CSMD3: variants seen among roughly 807,000 people sequenced by gnomAD.
CSMD3 encodes the protein CUB and sushi domain-containing protein 3.
CSMD3 carries 177 observed loss-of-function variants against 435.2 expected under a neutral mutation model. That is an observed-to-expected ratio of 0.41 (90% confidence interval 0.36 to 0.46). CSMD3 has a LOEUF of 0.46. Ranked by LOEUF, CSMD3 falls within the 20% of genes least tolerant of loss-of-function variation. The pLI, the probability that CSMD3 is intolerant of heterozygous loss-of-function variation, is 0.34. For synonymous variants in CSMD3, 1,656 were observed against 1,520.5 expected, an observed-to-expected ratio of 1.09 and a Z score of -2.07; for missense variants, 4,265 against 4,504.6, an observed-to-expected ratio of 0.95 and a Z score of 1.52.
At chr8:113,417,507 A>T (rs987853887) in intron 1 of CSMD3, among the ~76,000 whole-genome samples, 3 of 151,996 alleles carry the variant, frequency 2.0e-5, no homozygotes, top group Non-Finnish European at 4.4e-5. Context: ...AACCTCAATG[A>T]TATCTTGAAC....
chr8:112,682,829 C>T (rs2075931565), intron 15 of CSMD3, among the ~76,000 whole-genome samples, 193 bp from the exon 16 acceptor site: 1 of 151,954 alleles, frequency 6.6e-6, no homozygotes, highest in Non-Finnish European at 1.5e-5. Context: ...CTGTGATGTG[C>T]AATAAATGTG....
At chr8:112,624,772 G>A (rs1363165735) in intron 22 of CSMD3, among the ~76,000 whole-genome samples, 1 of 151,876 alleles carries the variant, frequency 6.6e-6, no homozygotes, top group African/African-American at 2.4e-5. Context: ...TATAGCTTTT[G>A]GCAGACTACT....
At chr8:112,712,755 C>T (rs949178633) in intron 13 of CSMD3, among the ~76,000 whole-genome samples, 1 of 150,504 alleles carries the variant, frequency 6.6e-6, no homozygotes, top group African/African-American at 2.5e-5. Context: ...TAAGAATTAC[C>T]ACAATCCCTT....
chr8:113,216,743 G>T (rs72687654), intron 3 of CSMD3, among the ~76,000 whole-genome samples: 9,798 of 151,914 alleles, frequency 0.064, 439 homozygotes, highest in Non-Finnish European at 0.094. Context: ...CCCATGCAGA[G>T]TATCTGGCTC....
chr8:112,227,740 G>T (rs1206933011), intron 70 of CSMD3, among the ~76,000 whole-genome samples: 1 of 152,102 alleles, frequency 6.6e-6, no homozygotes, highest in Non-Finnish European at 1.5e-5. Flanking sequence ...AGATGTTGCA[G>T]ATTGACCCCA....
chr8:112,352,352 T>C, intron 39 of CSMD3, 64 bp downstream of exon 39: 2 of 1,606,170 alleles, frequency 1.2e-6, no homozygotes, highest in Non-Finnish European at 1.7e-6. Flanking sequence ...TTATCAATCA[T>C]TGATTTGTAA....
At chr8:112,549,319 G>A (rs535585642) in intron 27 of CSMD3, among the ~76,000 whole-genome samples, 19 of 151,758 alleles carry the variant, frequency 1.3e-4, no homozygotes, top group African/African-American at 1.9e-4. Flanking sequence ...TTTCTAATTC[G>A]GAGCCATTTA....
At chr8:113,366,048 T>G (rs1364908869) in intron 1 of CSMD3, among the ~76,000 whole-genome samples, 2 of 152,034 alleles carry the variant, frequency 1.3e-5, no homozygotes, top group Non-Finnish European at 2.9e-5. Context: ...CCATACCAAG[T>G]ACTCCTAAGA....
chr8:112,947,918 T>G, intron 8 of CSMD3, 41 bp from the exon 9 acceptor site: 1 of 830,358 alleles, frequency 1.2e-6, no homozygotes, highest in South Asian at 1.4e-5. Context: ...ACAAAATATA[T>G]GTGATTAGAA....
At chr8:112,946,656 T>C (rs2083618560) in intron 9 of CSMD3, among the ~76,000 whole-genome samples, 1 of 151,796 alleles carries the variant, frequency 6.6e-6, no homozygotes, top group Admixed American at 6.6e-5. Context: ...GGCTGAAAGA[T>C]TTAGTTGATT....
At chr8:113,155,802 A>G (rs1266690957) in intron 4 of CSMD3, among the ~76,000 whole-genome samples, 4 of 152,106 alleles carry the variant, frequency 2.6e-5, no homozygotes, top group African/African-American at 9.7e-5. Context: ...ATACAGATAT[A>G]TTCAGTATGT....
At chr8:112,616,656 A>G (rs1833685891) in intron 22 of CSMD3, among the ~76,000 whole-genome samples, 1 of 152,110 alleles carries the variant, frequency 6.6e-6, no homozygotes, top group African/African-American at 2.4e-5. Flanking sequence ...TTACACAGAC[A>G]GGAAACACAA....
At chr8:112,366,409 T>C (rs1466315104) in intron 38 of CSMD3, among the ~76,000 whole-genome samples, 2 of 152,158 alleles carry the variant, frequency 1.3e-5, no homozygotes, top group East Asian at 3.9e-4. Flanking sequence ...TGTTTTGTGT[T>C]GTTTTGAAAT....
chr8:112,405,234 T>TGTATATATATATATATATATAC (rs1563904547), intron 35 of CSMD3, among the ~76,000 whole-genome samples: 20 of 93,572 alleles, frequency 2.1e-4, no homozygotes, highest in African/African-American at 9.5e-4. Flanking sequence ...TATATATATA[T>TGTATATATATATATATATATAC]ATATATATAT....
intron 1 of CSMD3, among the ~76,000 whole-genome samples, chr8:113,342,309 G>A (rs544142110): frequency 4.6e-5 from 7 of 152,004 alleles, no homozygotes; most frequent in Non-Finnish European, 7.4e-5. Flanking sequence ...TTCAATACAC[G>A]ATTCTCTAAT....
chr8:113,319,985 A>T (rs1457583873), intron 1 of CSMD3, among the ~76,000 whole-genome samples: 1 of 151,980 alleles, frequency 6.6e-6, no homozygotes, highest in Non-Finnish European at 1.5e-5. Context: ...CATGCCTTAC[A>T]GGTAAAATGA....
At chr8:112,309,449 ATT>A (rs530291637) in intron 50 of CSMD3, among the ~76,000 whole-genome samples, 51 of 151,838 alleles carry the variant, frequency 3.4e-4, no homozygotes, top group Non-Finnish European at 6.6e-4. Context: ...AAATATATAT[ATT>A]ATAAGCTTAT....
At chr8:112,348,099 A>G (rs1825826881) in intron 40 of CSMD3, among the ~76,000 whole-genome samples, 1 of 152,238 alleles carries the variant, frequency 6.6e-6, no homozygotes, top group African/African-American at 2.4e-5. Context: ...AAAAACAATG[A>G]CAAATCATTA....
intron 10 of CSMD3, among the ~76,000 whole-genome samples, chr8:112,869,935 G>A (rs954977491): frequency 6.6e-6 from 1 of 151,950 alleles, no homozygotes; most frequent in African/African-American, 2.4e-5. Context: ...ATGTATGCAG[G>A]GCTTAAAATC....
Sources: allele counts gnomAD v4.1 joint callset (sites outside exome capture counted in the v4.1 genomes callset), GRCh38; gene constraint gnomAD v4.1.1; transcripts MANE v1.5; gene names NCBI Gene and HGNC (gene_info 2026-07-23, HGNC 2026-07-21).